The following RIMS1 variants were observed in gnomAD, a reference collection of about 807,000 sequenced individuals.
RIMS1 encodes the protein regulating synaptic membrane exocytosis 1.
A neutral mutation model predicts 214.1 loss-of-function variants in RIMS1; 83 were observed. The ratio of observed to expected loss-of-function variants is 0.39; its 90% CI spans 0.32 to 0.47. The LOEUF is 0.47. RIMS1 is among the 20% of genes least tolerant of loss of function. The pLI is 0.99. For synonymous variants in RIMS1, 793 were observed against 786.8 expected, an observed-to-expected ratio of 1.01 and a Z score of -0.13; for missense variants, 2,050 against 2,161.8, an observed-to-expected ratio of 0.95 and a Z score of 1.03.
chr6:72,122,601 G>A (rs1024542668), intron 4 of RIMS1, among the ~76,000 whole-genome samples: 9 of 151,844 alleles, frequency 5.9e-5, no homozygotes, highest in African/African-American at 2.2e-4. Flanking sequence ...GAATTTGTCT[G>A]GTCCTGGACT....
intron 4 of RIMS1, among the ~76,000 whole-genome samples, chr6:72,102,759 A>G (rs1023118496): frequency 1.3e-5 from 2 of 152,084 alleles, no homozygotes; most frequent in Non-Finnish European, 2.9e-5. Flanking sequence ...CAACTCTTAA[A>G]TACCAAAGTG....
chr6:72,178,058 C>G (rs539412095), intron 4 of RIMS1, among the ~76,000 whole-genome samples: 1 of 152,272 alleles, frequency 6.6e-6, no homozygotes, highest in East Asian at 1.9e-4. Context: ...GGTTATAATA[C>G]TTTGTGTAGA....
chr6:71,912,070 G>A (rs1213358210), intron 1 of RIMS1, among the ~76,000 whole-genome samples: 2 of 151,994 alleles, frequency 1.3e-5, no homozygotes, highest in African/African-American at 4.8e-5. Context: ...TAAGTCTTCA[G>A]GTTCATATCT....
chr6:72,396,149 AAAG>A (rs1297322384), intron 31 of RIMS1, among the ~76,000 whole-genome samples: 1 of 152,104 alleles, frequency 6.6e-6, no homozygotes, highest in Non-Finnish European at 1.5e-5. Flanking sequence ...CTGTAATAAA[AAAG>A]AAAAAATGAC....
At chr6:72,110,471 A>G (rs2153819089) in intron 4 of RIMS1, among the ~76,000 whole-genome samples, 1 of 149,892 alleles carries the variant, frequency 6.7e-6, no homozygotes, top group African/African-American at 2.5e-5. Flanking sequence ...GCAATTGTGA[A>G]TGGGAGTTCA....
chr6:72,373,475 A>G (rs954689399), intron 29 of RIMS1, among the ~76,000 whole-genome samples: 1 of 152,120 alleles, frequency 6.6e-6, no homozygotes, highest in Non-Finnish European at 1.5e-5. Context: ...CACTGAACAC[A>G]CCTCCTACTC....
chr6:72,044,739 T>C (rs1822463193), intron 2 of RIMS1, among the ~76,000 whole-genome samples: 1 of 151,904 alleles, frequency 6.6e-6, no homozygotes, highest in African/African-American at 2.4e-5. Flanking sequence ...GTAGTTGAGA[T>C]TATCACAGGT....
At chr6:72,349,549 T>C (rs759188561) in intron 29 of RIMS1, among the ~76,000 whole-genome samples, 1 of 151,946 alleles carries the variant, frequency 6.6e-6, no homozygotes, top group Non-Finnish European at 1.5e-5. Flanking sequence ...TTTTTATCAC[T>C]CTGAATTTGA....
At chr6:72,101,195 C>T (rs558775816) in intron 4 of RIMS1, among the ~76,000 whole-genome samples, 12 of 151,934 alleles carry the variant, frequency 7.9e-5, no homozygotes, top group Admixed American at 1.3e-4. Flanking sequence ...CCTTTGACAG[C>T]GTTACCCATA....
At chr6:71,914,740 C>T (rs1451086270) in intron 1 of RIMS1, among the ~76,000 whole-genome samples, 1 of 152,106 alleles carries the variant, frequency 6.6e-6, no homozygotes, top group African/African-American at 2.4e-5. Flanking sequence ...TCTGAGGCAC[C>T]ATAATTTTAT....
At chr6:72,257,361 G>A (rs2076317739) in intron 16 of RIMS1, among the ~76,000 whole-genome samples, 1 of 151,732 alleles carries the variant, frequency 6.6e-6, no homozygotes, top group South Asian at 2.1e-4. Flanking sequence ...TTACTTCAGG[G>A]AAAAAGTGAC....
At chr6:72,287,141 C>T (rs2092476575) in intron 24 of RIMS1, among the ~76,000 whole-genome samples, 2 of 152,168 alleles carry the variant, frequency 1.3e-5, no homozygotes, top group Admixed American at 6.5e-5. Flanking sequence ...CTACACTCTA[C>T]ATTCTAACTT....
intron 18 of RIMS1, among the ~76,000 whole-genome samples, chr6:72,259,319 C>A (rs11964272): frequency 1.3e-5 from 2 of 152,044 alleles, no homozygotes; most frequent in East Asian, 1.9e-4. Flanking sequence ...TATCCAATTT[C>A]TTTTACAAAA....
At chr6:72,095,828 C>T (rs1400918123) in intron 2 of RIMS1, among the ~76,000 whole-genome samples, 1 of 152,196 alleles carries the variant, frequency 6.6e-6, no homozygotes, top group African/African-American at 2.4e-5. Context: ...CATCTGTGTA[C>T]TCTGTGTCCT....
intron 23 of RIMS1, among the ~76,000 whole-genome samples, chr6:72,279,151 A>G (rs1038288237): frequency 3.3e-5 from 5 of 151,976 alleles, no homozygotes; most frequent in African/African-American, 1.2e-4. Flanking sequence ...TTATTTACCA[A>G]CGTCTTTAGA....
intron 29 of RIMS1, among the ~76,000 whole-genome samples, chr6:72,374,200 A>G (rs1319149323): frequency 1.3e-5 from 2 of 152,234 alleles, no homozygotes; most frequent in East Asian, 3.8e-4. Context: ...GGCGTGAGCC[A>G]CTGCGCCTGG....
chr6:72,250,054 A>G (rs1269669494), intron 12 of RIMS1, among the ~76,000 whole-genome samples: 1 of 152,108 alleles, frequency 6.6e-6, no homozygotes, highest in Non-Finnish European at 1.5e-5. Context: ...AGTTTTTTGG[A>G]AAAATTATTA....
intron 28 of RIMS1, among the ~76,000 whole-genome samples, chr6:72,314,063 G>C (rs1309895390): frequency 2.6e-5 from 4 of 151,926 alleles, no homozygotes; most frequent in Non-Finnish European, 5.9e-5. Flanking sequence ...AATCAACATG[G>C]GTGTGTGTGT....
chr6:72,328,306 G>A (rs1480445410), intron 28 of RIMS1, among the ~76,000 whole-genome samples: 1 of 151,738 alleles, frequency 6.6e-6, no homozygotes, highest in African/African-American at 2.4e-5. Flanking sequence ...GGGGGTAGGG[G>A]GCTATGGGAG....
Sources: allele counts gnomAD v4.1 joint callset (sites outside exome capture counted in the v4.1 genomes callset), GRCh38; gene constraint gnomAD v4.1.1; transcripts MANE v1.5; gene names NCBI Gene and HGNC (gene_info 2026-07-23, HGNC 2026-07-21).